The following MARCHF1 variants were observed in gnomAD, a reference collection of about 807,000 sequenced individuals.
MARCHF1 encodes E3 ubiquitin-protein ligase MARCHF1.
MARCHF1 carries 40 observed loss-of-function variants against 54.2 expected under a neutral mutation model. The ratio of observed to expected loss-of-function variants is 0.74; its 90% confidence interval spans 0.57 to 0.96. MARCHF1 has a LOEUF of 0.96. Ranked by LOEUF, MARCHF1 falls within the 40% of genes least tolerant of loss-of-function variation. MARCHF1 has a pLI of 0.00. For synonymous variants in MARCHF1, 236 were observed against 236.3 expected (o/e 1.00, Z 0.01); for missense variants, 586 against 656.5 (o/e 0.89, Z 1.17).
At chr4:164,110,894 A>G (rs1755820995) in intron 2 of MARCHF1, among the ~76,000 whole-genome samples, 1 of 151,802 alleles carries the variant, frequency 6.6e-6, no homozygotes, top group Non-Finnish European at 1.5e-5. Flanking sequence ...AAACTGACAT[A>G]GCAAAATTTC....
At chr4:163,629,160 T>TG (rs1457469221) in intron 5 of MARCHF1, among the ~76,000 whole-genome samples, 1 of 152,130 alleles carries the variant, frequency 6.6e-6, no homozygotes, top group Non-Finnish European at 1.5e-5. Context: ...CAAACTATAC[T>TG]GCAAGGCTAC....
intron 1 of MARCHF1, among the ~76,000 whole-genome samples, chr4:164,320,574 G>C (rs914621433): frequency 6.6e-6 from 1 of 152,046 alleles, no homozygotes; most frequent in Non-Finnish European, 1.5e-5. Flanking sequence ...CCACACCTAC[G>C]AATGTATAGC....
At chr4:163,894,872 T>TGCATGCGATGCATATATAC (rs2111285880) in intron 3 of MARCHF1, among the ~76,000 whole-genome samples, 1 of 29,686 alleles carries the variant, frequency 3.4e-5, no homozygotes, top group South Asian at 2.2e-3. Flanking sequence ...TGCATATATA[T>TGCATGCGATGCATATATAC]ATGCATGTGA....
chr4:163,826,343 T>C (rs1419695511), intron 4 of MARCHF1, among the ~76,000 whole-genome samples: 4 of 151,984 alleles, frequency 2.6e-5, no homozygotes, highest in African/African-American at 9.7e-5. Context: ...AATAAAGACA[T>C]TTCTTCCTTT....
chr4:164,134,237 T>C (rs1756356372), intron 1 of MARCHF1, among the ~76,000 whole-genome samples: 1 of 152,238 alleles, frequency 6.6e-6, no homozygotes, highest in Non-Finnish European at 1.5e-5. Context: ...AGGGTGGTCA[T>C]TGATCTTGCT....
chr4:163,893,755 T>C (rs1404715648), intron 3 of MARCHF1, among the ~76,000 whole-genome samples: 1 of 152,172 alleles, frequency 6.6e-6, no homozygotes, highest in South Asian at 2.1e-4. Flanking sequence ...TTAATAATAA[T>C]GATTTTTTAA....
chr4:164,166,081 C>A (rs1217593500), intron 1 of MARCHF1, among the ~76,000 whole-genome samples: 1 of 151,924 alleles, frequency 6.6e-6, no homozygotes, highest in Non-Finnish European at 1.5e-5. Context: ...ATAGACTCAG[C>A]TTTTAACAAG....
chr4:164,159,102 C>G (rs1730160430), intron 1 of MARCHF1, among the ~76,000 whole-genome samples: 1 of 152,146 alleles, frequency 6.6e-6, no homozygotes, highest in Non-Finnish European at 1.5e-5. Context: ...TGGCAATGGC[C>G]AAATTACTTA....
At chr4:164,243,739 C>G (rs1732850528) in intron 1 of MARCHF1, among the ~76,000 whole-genome samples, 1 of 152,058 alleles carries the variant, frequency 6.6e-6, no homozygotes, top group South Asian at 2.1e-4. Flanking sequence ...CATACATAGC[C>G]TCAAAATAAA....
chr4:164,118,148 CATA>C (rs1755978896), intron 1 of MARCHF1, among the ~76,000 whole-genome samples: 1 of 151,762 alleles, frequency 6.6e-6, no homozygotes. Context: ...ATGGAAAAGA[CATA>C]ATATTTTAAA....
intron 4 of MARCHF1, among the ~76,000 whole-genome samples, chr4:163,802,101 A>G (rs1403760698): frequency 6.7e-6 from 1 of 148,806 alleles, no homozygotes; most frequent in Non-Finnish European, 1.5e-5. Context: ...TTCTCATTCA[A>G]TTCAACATGT....
chr4:164,117,778 T>C (rs1225095773), intron 1 of MARCHF1, among the ~76,000 whole-genome samples: 1 of 151,948 alleles, frequency 6.6e-6, no homozygotes, highest in African/African-American at 2.4e-5. Context: ...TGGGCACCTG[T>C]AATCTCAGCT....
chr4:164,309,762 C>G (rs1190039583), intron 1 of MARCHF1, among the ~76,000 whole-genome samples: 1 of 151,996 alleles, frequency 6.6e-6, no homozygotes, highest in Non-Finnish European at 1.5e-5. Context: ...AGATTAATAT[C>G]CAAAAACATT....
Position 163,920,173 on chromosome 4 carries a change from A to C in MARCHF1, c.-38-66004T>G, listed in dbSNP as rs114065946. The stretch of plus-strand genomic sequence containing the variant: ...TTAGTGGCTTCCTGGCCATTTATGA[A>C]ATGGTAAGTGGTACAGTTAGAAATG... On this transcript the variant is annotated intron_variant, in intron 3 of 9. Coordinates refer to ENST00000514618, the MANE Select transcript of MARCHF1 (RefSeq NM_001394959.1). 3.9e-3 allele frequency among the ~76,000 whole-genome samples: 587 copies of C among 152,268 alleles called. 4 individuals carry two copies. Among genetic ancestry groups the C allele is most frequent in the African/African-American group, 0.014 (571 of 41,560 alleles).
intron 1 of MARCHF1, among the ~76,000 whole-genome samples, chr4:164,200,988 AG>A (rs1372217997): frequency 6.6e-6 from 1 of 152,170 alleles, no homozygotes; most frequent in African/African-American, 2.4e-5. Context: ...CCAGACCACG[AG>A]GCAGAAACAG....
chr4:164,354,454 T>G (rs2110898163), intron 1 of MARCHF1, among the ~76,000 whole-genome samples: 1 of 132,534 alleles, frequency 7.5e-6, no homozygotes, highest in East Asian at 2.3e-4. Flanking sequence ...CAAGGCTGGT[T>G]CAATATACGC....
intron 1 of MARCHF1, among the ~76,000 whole-genome samples, chr4:164,313,029 A>G (rs1240215067): frequency 6.6e-6 from 1 of 150,900 alleles, no homozygotes; most frequent in African/African-American, 2.5e-5. Context: ...AAAAATCAAT[A>G]AAAATATTTC....
intron 4 of MARCHF1, among the ~76,000 whole-genome samples, chr4:163,717,748 T>G (rs551444070): frequency 5.9e-5 from 9 of 152,322 alleles, no homozygotes; most frequent in African/African-American, 2.2e-4. Context: ...TGATGGCCAG[T>G]GATAATGAGC....
At chr4:163,972,318 G>T (rs1414844417) in intron 3 of MARCHF1, among the ~76,000 whole-genome samples, 1 of 152,130 alleles carries the variant, frequency 6.6e-6, no homozygotes, top group African/African-American at 2.4e-5. Context: ...TGCACGTTCT[G>T]CACATGTATC....
Sources: gnomAD v4.1 joint callset for allele counts (sites outside exome capture counted in the v4.1 genomes callset) on GRCh38, gnomAD v4.1.1 for gene constraint, MANE v1.5 for transcripts, NCBI Gene and HGNC (gene_info 2026-07-23, HGNC 2026-07-21) for gene names.